Variants in DLGAP1 observed in about 807,000 individuals in gnomAD.
The protein encoded by DLGAP1 is disks large-associated protein 1.
In DLGAP1, 11 loss-of-function variants were observed where a neutral mutation model predicts 90.8. The observed-to-expected ratio is 0.12, with a 90% CI of 0.08 to 0.20. The LOEUF (loss-of-function observed/expected upper bound fraction) is 0.20, where lower values mean the gene tolerates loss of function less well. Ranked by LOEUF, DLGAP1 falls within the 10% of genes least tolerant of loss-of-function variation. The pLI, the probability that DLGAP1 is intolerant of heterozygous loss-of-function variation, is 1.00. For missense variants in DLGAP1, 1,050 were observed against 1,333.8 expected, an observed-to-expected ratio of 0.79 and a Z score of 3.31; for synonymous variants, 558 against 540.7, an observed-to-expected ratio of 1.03 and a Z score of -0.44.
chr18:3,888,183 C>A (rs1238055524), intron 3 of DLGAP1, among the ~76,000 whole-genome samples: 3 of 149,346 alleles, frequency 2.0e-5, no homozygotes, highest in Admixed American at 1.3e-4. Context: ...TTAACATTGT[C>A]CAAATGCCCA....
chr18:4,119,869 C>T (rs7243843), intron 2 of DLGAP1, among the ~76,000 whole-genome samples: 79,975 of 152,030 alleles, frequency 0.53, 22,528 homozygotes, highest in African/African-American at 0.73. Flanking sequence ...CATTTGGATA[C>T]ATAAATATTC....
At chr18:3,990,637 A>G (rs1001836385) in intron 3 of DLGAP1, among the ~76,000 whole-genome samples, 1 of 146,750 alleles carries the variant, frequency 6.8e-6, no homozygotes, top group East Asian at 2.0e-4. Context: ...ATATAATAAT[A>G]ATAATAATAA....
chr18:3,741,109 TCACCACCACCATCACCAC>T (rs2062949597), intron 6 of DLGAP1, among the ~76,000 whole-genome samples: 2 of 53,838 alleles, frequency 3.7e-5, no homozygotes, highest in Non-Finnish European at 6.7e-5. Flanking sequence ...ACCATCACCA[TCACCACCACCATCACCAC>T]CACCACCACA....
intron 1 of DLGAP1, among the ~76,000 whole-genome samples, chr18:4,251,959 T>C (rs2078787706): frequency 6.6e-6 from 1 of 152,222 alleles, no homozygotes. Flanking sequence ...ATTGAGCATT[T>C]GCTCTGTTCC....
At chr18:4,045,432 CAAAAAAAAAAAAAAAA>C (rs763466156) in intron 2 of DLGAP1, among the ~76,000 whole-genome samples, 26 of 29,202 alleles carry the variant, frequency 8.9e-4, no homozygotes, top group African/African-American at 2.2e-3. Flanking sequence ...CCCATCTCTA[CAAAAAAAAAAAAAAAA>C]AAAAAAAAAA....
rs576599620 is a variant in DLGAP1, at chr18:3,588,716, G to A, written c.1592-6468C>T. Among the ~76,000 whole-genome samples, 80 of 149,804 alleles carry A rather than the reference G, an allele frequency of 5.3e-4. 1 individual carries two copies. Among genetic ancestry groups the A allele is most frequent in the African/African-American group, 1.9e-3 (79 of 40,788 alleles). On this transcript the variant is annotated intron_variant, in intron 7 of 12. Transcript: ENST00000315677. The stretch of plus-strand genomic sequence containing the variant: ...AATTGCTTGAGCCCGGGAGGCGGAG[G>A]TTGCAGTGAGCCAAGATCGCGCCAC...
chr18:4,392,812 G>T (rs780984133), intron 1 of DLGAP1, among the ~76,000 whole-genome samples: 5 of 152,142 alleles, frequency 3.3e-5, no homozygotes, highest in Non-Finnish European at 5.9e-5. Context: ...AACTTAGAAT[G>T]AGCAAAATAA....
At chr18:3,861,644 C>T (rs2148740547) in intron 4 of DLGAP1, among the ~76,000 whole-genome samples, 1 of 152,312 alleles carries the variant, frequency 6.6e-6, no homozygotes, top group African/African-American at 2.4e-5. Context: ...CCCAGTGCCC[C>T]CACCCTGCCC....
intron 3 of DLGAP1, among the ~76,000 whole-genome samples, chr18:3,973,494 T>C (rs1423923474): frequency 6.6e-6 from 1 of 151,978 alleles, no homozygotes. Flanking sequence ...AGTGGTGGAG[T>C]ATATGGTTCC....
intron 3 of DLGAP1, among the ~76,000 whole-genome samples, chr18:3,906,341 T>C (rs1349820004): frequency 6.6e-6 from 1 of 152,232 alleles, no homozygotes; most frequent in Non-Finnish European, 1.5e-5. Context: ...GCTTGCATTT[T>C]GCTTTATCTT....
intron 3 of DLGAP1, among the ~76,000 whole-genome samples, chr18:3,966,010 AC>A (rs1450356103): frequency 6.6e-6 from 1 of 151,654 alleles, no homozygotes; most frequent in Non-Finnish European, 1.5e-5. Flanking sequence ...CTTGGAGTTA[AC>A]AATGTAGTTG....
At chr18:3,670,887 A>T (rs927777968) in intron 7 of DLGAP1, among the ~76,000 whole-genome samples, 1 of 152,244 alleles carries the variant, frequency 6.6e-6, no homozygotes, top group Non-Finnish European at 1.5e-5. Flanking sequence ...GTTTTATTTT[A>T]GTTTACCTTA....
chr18:3,741,970 G>A (rs1376310877), intron 6 of DLGAP1, among the ~76,000 whole-genome samples: 1 of 151,958 alleles, frequency 6.6e-6, no homozygotes, highest in African/African-American at 2.4e-5. Flanking sequence ...AGCCTCCAGA[G>A]TAGCTGGGAT....
At chr18:3,754,077 T>C (rs1364207047) in intron 5 of DLGAP1, among the ~76,000 whole-genome samples, 1 of 152,230 alleles carries the variant, frequency 6.6e-6, no homozygotes, top group African/African-American at 2.4e-5. Flanking sequence ...CATGGCTCAC[T>C]GCAGCCTTAA....
chr18:3,861,701 C>T (rs2070072038), intron 4 of DLGAP1, among the ~76,000 whole-genome samples: 1 of 152,198 alleles, frequency 6.6e-6, no homozygotes, highest in Non-Finnish European at 1.5e-5. Context: ...TTTCAGAAGT[C>T]AGTCAAATGT....
At chr18:4,394,246 T>G (rs2082395771) in intron 1 of DLGAP1, among the ~76,000 whole-genome samples, 1 of 152,218 alleles carries the variant, frequency 6.6e-6, no homozygotes. Context: ...ATTTACTAGA[T>G]GACACGGATT....
chr18:3,561,160 A>G (rs1287951550), intron 9 of DLGAP1, among the ~76,000 whole-genome samples: 1 of 150,154 alleles, frequency 6.7e-6, no homozygotes, highest in Non-Finnish European at 1.5e-5. Context: ...CCACGCCTAT[A>G]ATTTCAGCAC....
At position 4,174,661 on chromosome 18, in the gene DLGAP1, A is replaced by G. The variant is rs898576955; in HGVS notation, c.-266-23374T>C. ...TTTTACTTTATTTTATTTTACTTTA[A>G]GTTCTGGGATACAAGTGCAGAACAT... is the stretch of plus-strand genomic sequence containing the variant. On this transcript the variant is annotated intron_variant, in intron 1 of 12. Transcript: ENST00000315677. 2.0e-5 allele frequency among the ~76,000 whole-genome samples: 3 copies of G among 152,174 alleles called. No individual in the cohort carries two copies. The East Asian group carries it at 5.8e-4, about 29-fold the overall frequency.
chr18:4,104,072 T>C (rs916054425), intron 2 of DLGAP1, among the ~76,000 whole-genome samples: 3 of 152,146 alleles, frequency 2.0e-5, no homozygotes, highest in African/African-American at 7.2e-5. Context: ...CTAATTCCAG[T>C]CTAATTTCTA....
Sources: gnomAD v4.1 joint callset for allele counts (sites outside exome capture counted in the v4.1 genomes callset) on GRCh38, gnomAD v4.1.1 for gene constraint, MANE v1.5 for transcripts, NCBI Gene and HGNC (gene_info 2026-07-23, HGNC 2026-07-21) for gene names.